The following MALRD1 variants were observed in gnomAD, a reference collection of about 807,000 sequenced individuals.
MALRD1 encodes the protein MAM and LDL receptor class A domain containing 1.
Under a neutral mutation model 242.1 loss-of-function variants are expected in MALRD1, and 247 were observed. The observed-to-expected ratio is 1.02, with a 90% confidence interval of 0.92 to 1.13. The LOEUF (loss-of-function observed/expected upper bound fraction) is 1.13. MALRD1 is among the 50% of genes most tolerant of loss of function. The pLI, the probability that MALRD1 is intolerant of heterozygous loss-of-function variation, is 0.00. For missense variants in MALRD1, 2,989 were observed against 2,533.1 expected, an observed-to-expected ratio of 1.18 and a Z score of -3.86; for synonymous variants, 995 against 866.6, an observed-to-expected ratio of 1.15 and a Z score of -2.60.
chr10:19,369,749 G>C (rs1300121822), intron 26 of MALRD1, among the ~76,000 whole-genome samples: 1 of 151,236 alleles, frequency 6.6e-6, no homozygotes, highest in Non-Finnish European at 1.5e-5. Flanking sequence ...TGGAGTATCT[G>C]TTAAAGTATC....
At chr10:19,311,572 T>G (rs1180465667) in intron 21 of MALRD1, among the ~76,000 whole-genome samples, 1 of 151,462 alleles carries the variant, frequency 6.6e-6, no homozygotes, top group Non-Finnish European at 1.5e-5. Flanking sequence ...AGTCATTAAG[T>G]TCAAGATTTT....
At chr10:19,622,656 A>G (rs73595871) in intron 36 of MALRD1, among the ~76,000 whole-genome samples, 8,201 of 149,676 alleles carry the variant, frequency 0.055, 488 homozygotes, top group African/African-American at 0.16. Flanking sequence ...TGAAAAAAAA[A>G]AAAACAAACT....
chr10:19,141,639 T>G (rs1161108061), intron 10 of MALRD1, among the ~76,000 whole-genome samples: 1 of 151,974 alleles, frequency 6.6e-6, no homozygotes, highest in Non-Finnish European at 1.5e-5. Context: ...TCTACTTCAC[T>G]GTGTTCCAGA....
chr10:19,639,594 G>T (rs953658680), intron 36 of MALRD1, among the ~76,000 whole-genome samples: 2 of 152,154 alleles, frequency 1.3e-5, no homozygotes, highest in African/African-American at 2.4e-5. Context: ...CCATTAGTGT[G>T]CATCTCAAGC....
chr10:19,700,915 T>G (rs1314240935), intron 38 of MALRD1, among the ~76,000 whole-genome samples: 1 of 152,064 alleles, frequency 6.6e-6, no homozygotes. Flanking sequence ...TCCCAACACT[T>G]TGGGAGGCCA....
intron 26 of MALRD1, among the ~76,000 whole-genome samples, chr10:19,360,437 C>T (rs897661163): frequency 6.6e-6 from 1 of 152,094 alleles, no homozygotes; most frequent in African/African-American, 2.4e-5. Flanking sequence ...TGGAAACCTG[C>T]TTTTTTGTAT....
chr10:19,334,118 GGT>G (rs1491531953), intron 24 of MALRD1, among the ~76,000 whole-genome samples: 1 of 60,654 alleles, frequency 1.6e-5, no homozygotes, highest in Non-Finnish European at 3.5e-5. Context: ...TCTGTTGGTA[GGT>G]TTTTTTTTTT....
intron 21 of MALRD1, among the ~76,000 whole-genome samples, chr10:19,312,378 G>GTATATATATATATATATATA (rs112120220): frequency 1.3e-4 from 18 of 137,538 alleles, no homozygotes; most frequent in African/African-American, 4.9e-4. Flanking sequence ...AGAGGAATGT[G>GTATATATATATATATATATA]TATATATATA....
At chr10:19,509,599 T>A (rs1353283924) in intron 31 of MALRD1, among the ~76,000 whole-genome samples, 1 of 152,286 alleles carries the variant, frequency 6.6e-6, no homozygotes, top group Non-Finnish European at 1.5e-5. Flanking sequence ...GTGGATATAT[T>A]TGGTCTCAGT....
chr10:19,441,933 A>G (rs1302191935), intron 28 of MALRD1, among the ~76,000 whole-genome samples: 1 of 152,146 alleles, frequency 6.6e-6, no homozygotes, highest in Non-Finnish European at 1.5e-5. Context: ...CAGTATGGCC[A>G]TTTTCACAAT....
At chr10:19,396,839 C>G (rs990756826) in intron 28 of MALRD1, among the ~76,000 whole-genome samples, 32 of 152,128 alleles carry the variant, frequency 2.1e-4, no homozygotes, top group African/African-American at 7.7e-4. Flanking sequence ...TTTTGTTTTT[C>G]TAACTTAGCT....
At chr10:19,209,119 C>A in intron 17 of MALRD1, 149 bp from the exon 18 acceptor site, 1 of 579,000 alleles carries the variant, frequency 1.7e-6, no homozygotes, top group Non-Finnish European at 2.7e-6. Context: ...TTAAAAAAAA[C>A]ACTTCAGTGT....
intron 21 of MALRD1, among the ~76,000 whole-genome samples, chr10:19,300,759 T>C (rs76126050): frequency 0.054 from 8,160 of 152,070 alleles, 407 homozygotes; most frequent in African/African-American, 0.13. Context: ...ATAGAATCCT[T>C]AGAAGAAATC....
intron 18 of MALRD1, among the ~76,000 whole-genome samples, chr10:19,250,716 T>C (rs1839258447): frequency 6.6e-6 from 1 of 151,868 alleles, no homozygotes; most frequent in Non-Finnish European, 1.5e-5. Flanking sequence ...CAAGTTAATC[T>C]CATATGAGTT....
chr10:19,640,580 A>G (rs1373813809), intron 36 of MALRD1, among the ~76,000 whole-genome samples: 1 of 152,060 alleles, frequency 6.6e-6, no homozygotes, highest in African/African-American at 2.4e-5. Context: ...GTTCCTTTCT[A>G]CTCTAACCCT....
chr10:19,464,016 T>C (rs2131107521), intron 29 of MALRD1, among the ~76,000 whole-genome samples: 1 of 152,368 alleles, frequency 6.6e-6, no homozygotes, highest in South Asian at 2.1e-4. Flanking sequence ...GTATATCTTC[T>C]TTGGACAATT....
chr10:19,621,806 C>T (rs561926499), intron 36 of MALRD1, among the ~76,000 whole-genome samples: 14 of 151,442 alleles, frequency 9.2e-5, no homozygotes, highest in African/African-American at 2.7e-4. Flanking sequence ...CTTTAAGAAA[C>T]GGAAAAAAAT....
chr10:19,356,193 A>G (rs10763964), intron 26 of MALRD1, among the ~76,000 whole-genome samples: 2 of 151,656 alleles, frequency 1.3e-5, no homozygotes, highest in Admixed American at 1.3e-4. Context: ...TCATTTGTAT[A>G]TATATGAAGT....
intron 26 of MALRD1, among the ~76,000 whole-genome samples, chr10:19,356,935 C>G (rs1007282262): frequency 1.3e-5 from 2 of 151,760 alleles, no homozygotes; most frequent in East Asian, 1.9e-4. Flanking sequence ...ATGGCAAAAC[C>G]CCATCTCTAC....
Sources: allele counts gnomAD v4.1 joint callset (sites outside exome capture counted in the v4.1 genomes callset), GRCh38; gene constraint gnomAD v4.1.1; transcripts MANE v1.5; gene names NCBI Gene and HGNC (gene_info 2026-07-23, HGNC 2026-07-21).